The following ABCB4 variants were observed in gnomAD, a reference collection of about 807,000 sequenced individuals.
The protein encoded by ABCB4 is phosphatidylcholine translocator ABCB4.
In ABCB4, 76 loss-of-function variants were observed where a neutral mutation model predicts 145.7. The observed-to-expected ratio is 0.52, with a 90% CI of 0.43 to 0.63. The LOEUF (loss-of-function observed/expected upper bound fraction) is 0.63, where lower values mean the gene tolerates loss of function less well. Ranked by LOEUF, ABCB4 falls within the 30% of genes least tolerant of loss-of-function variation. The probability of loss-of-function intolerance (pLI) is 0.00; values close to 1 mark genes in which losing one functional copy is unlikely to be tolerated. For synonymous variants in ABCB4, 517 were observed against 566.8 expected (o/e 0.91, Z 1.25); for missense variants, 1,234 against 1,553.1 (o/e 0.79, Z 3.45).
chr7:87,453,113 A>C lies in ABCB4; in HGVS notation c.367T>G (p.Leu123Val). 2 of 1,613,978 alleles carry C rather than the reference A, an allele frequency of 1.2e-6. No homozygotes were observed. The highest frequency in any genetic ancestry group is 1.7e-6 in the Non-Finnish European group (2 of 1,179,990). The change falls in exon 6 of 28, where the codon TTG becomes GTG. Residue 123 changes from leucine (L) to valine (V), a missense_variant. Coordinates refer to ENST00000649586, the MANE Select transcript of ABCB4 (RefSeq NM_000443.4). ...MTRYAYYYSG[L>V]GAGVLVAAYI... The stretch of plus-strand genomic sequence containing the variant: ...GCAGCAACAAGAACTCCAGCACCCA[A>C]TCCTGAGTAGTAATATGCATATCTG...
the ABCB4 span, among the ~76,000 whole-genome samples, chr7:87,383,341 A>G: frequency 6.6e-6 from 1 of 152,054 alleles, no homozygotes. Context: ...TAACTCCCAT[A>G]TATAGGTGAG....
At chr7:87,378,326 A>G in the ABCB4 span, among the ~76,000 whole-genome samples, 1 of 142,518 alleles carries the variant, frequency 7.0e-6, no homozygotes, top group African/African-American at 2.6e-5. Flanking sequence ...AGCCTGGGAA[A>G]CAGACTGAGA....
intron 7 of ABCB4, among the ~76,000 whole-genome samples, chr7:87,451,369 C>T (rs2116798181): frequency 6.6e-6 from 1 of 152,208 alleles, no homozygotes; most frequent in Admixed American, 6.5e-5. Context: ...CTCCTGACCT[C>T]AAGTGATTTA....
chr7:87,393,311 A>C, the ABCB4 span, among the ~76,000 whole-genome samples: 2 of 152,154 alleles, frequency 1.3e-5, no homozygotes, highest in Non-Finnish European at 2.9e-5. Context: ...TCGATTCGGC[A>C]ATCATATCAT....
At chr7:87,421,555 T>C (rs1046467293) in intron 18 of ABCB4, among the ~76,000 whole-genome samples, 30 of 152,230 alleles carry the variant, frequency 2.0e-4, no homozygotes, top group African/African-American at 7.2e-4. Flanking sequence ...TAGGAAACAC[T>C]ATTTTGCTGA....
chr7:87,402,441 T>C (rs1242559989), intron 27 of ABCB4, 139 bp from the exon 28 acceptor site: 5 of 1,047,934 alleles, frequency 4.8e-6, no homozygotes, highest in Non-Finnish European at 7.2e-6. Flanking sequence ...TATGCATGTG[T>C]ATTTTGTATA....
chr7:87,369,252 A>G, the ABCB4 span: 1 of 571,094 alleles, frequency 1.8e-6, no homozygotes, highest in Non-Finnish European at 3.1e-6. Flanking sequence ...TATGTGATAT[A>G]TTTGATGACT....
chr7:87,443,761 C>A lies in ABCB4; in HGVS notation c.1132G>T (p.Asp378Tyr). ...TTGTGTCCTCTCTCTGAAAAACTGTCAATTTTAGGATTCTAAATAAAACAA... is the reference window on the plus strand; with the variant it reads ...TTGTGTCCTCTCTCTGAAAAACTGTAAATTTTAGGATTCTAAATAAAACAA... ...FDIIDNNPKI[D>Y]SFSERGHKPD... Residue 378 changes from aspartate (D) to tyrosine (Y), a missense_variant, in exon 11 of 28, where the codon GAC becomes TAC. Around this residue, in one of 7 missense-constraint regions of ABCB4, gnomAD observed 467 missense variants for 632.8 expected, o/e 0.74. Transcript: ENST00000649586. 1 of 1,612,856 alleles carries A rather than the reference C, an allele frequency of 6.2e-7. No individual in the cohort carries two copies. Among genetic ancestry groups the A allele is most frequent in the South Asian group, 1.1e-5 (1 of 91,024 alleles).
chr7:87,392,865 C>T, the ABCB4 span: 1 of 1,609,208 alleles, frequency 6.2e-7, no homozygotes, highest in Non-Finnish European at 8.5e-7. Context: ...AATTGGCTTC[C>T]TCTTTTTGTA....
In ABCB4 at chr7:87,440,786, G is replaced by A. The variant is rs144857113; in HGVS notation, c.1357-384C>T. ...AAATGGAGTCTCGCTCTGTCGCCCAGGCTGGAGTGCAGTGGCCCATCTCCA... is the reference window on the plus strand; with the variant it reads ...AAATGGAGTCTCGCTCTGTCGCCCAAGCTGGAGTGCAGTGGCCCATCTCCA... On this transcript the variant is annotated intron_variant, in intron 12 of 27. Transcript: ENST00000649586. Among the ~76,000 whole-genome samples the A allele has an allele frequency of 8.3e-3, 1,268 of 152,096 alleles. 5 individuals are homozygous for A. Among genetic ancestry groups the A allele is most frequent in the Non-Finnish European group, 0.013 (914 of 68,004 alleles).
intron 2 of ABCB4, among the ~76,000 whole-genome samples, chr7:87,474,648 G>A (rs1029839729): frequency 2.0e-5 from 3 of 152,128 alleles, no homozygotes; most frequent in Non-Finnish European, 1.5e-5. Context: ...GGCTAAAGGC[G>A]AAAATGATTC....
At chr7:87,434,552 A>G (rs889220998) in intron 14 of ABCB4, among the ~76,000 whole-genome samples, 1 of 152,046 alleles carries the variant, frequency 6.6e-6, no homozygotes, top group African/African-American at 2.4e-5. Context: ...CATTGAGACC[A>G]TCCTGGCCAA....
rs529669946 is a variant in ABCB4 at position 87,402,767 on chromosome 7, C to T, written c.3633+368G>A. 1.7e-4 allele frequency among the ~76,000 whole-genome samples: 26 copies of T among 152,206 alleles called. No individual in the cohort carries two copies. In the South Asian group the frequency reaches 2.3e-3, roughly 13 times the overall value. On this transcript the variant is annotated intron_variant, in intron 27 of 27. Coordinates refer to ENST00000649586, the MANE Select transcript of ABCB4 (RefSeq NM_000443.4). ...CTGTAATCCCAGCACTTTGGGAGGC[C>T]GAGGCAGGCGGATCACAAGGTCAGG...
chr7:87,472,129 T>C (rs1813461264), intron 3 of ABCB4, among the ~76,000 whole-genome samples: 1 of 152,160 alleles, frequency 6.6e-6, no homozygotes, highest in Non-Finnish European at 1.5e-5. Context: ...AAATCATCCA[T>C]CTTAAGAATG....
chr7:87,381,691 G>A, the ABCB4 span, among the ~76,000 whole-genome samples: 53 of 152,060 alleles, frequency 3.5e-4, no homozygotes, highest in Admixed American at 2.0e-4. Flanking sequence ...GCCCTACTAG[G>A]TGCTTCCAAA....
intron 1 of ABCB4, 72 bp from the exon 2 acceptor site, chr7:87,475,543 G>A (rs776143083): frequency 2.4e-5 from 35 of 1,470,518 alleles, no homozygotes; most frequent in Middle Eastern, 2.1e-4. Context: ...CGCGGGGCCC[G>A]GGGGCACTGG....
chr7:87,375,779 G>A, the ABCB4 span: 3 of 1,612,220 alleles, frequency 1.9e-6, no homozygotes, highest in Non-Finnish European at 2.5e-6. Flanking sequence ...CTCTTTTGAT[G>A]TATTGTATTT....
chr7:87,379,035 T>G, the ABCB4 span, among the ~76,000 whole-genome samples: 5 of 152,196 alleles, frequency 3.3e-5, no homozygotes, highest in Non-Finnish European at 5.9e-5. Flanking sequence ...CTCAGTTTTC[T>G]TCTCTTCAGC....
chr7:87,454,403 T>C (rs1430078752), intron 5 of ABCB4, 132 bp downstream of exon 5: 7 of 720,314 alleles, frequency 9.7e-6, no homozygotes, highest in Non-Finnish European at 1.2e-5. Context: ...AAATTGGGAT[T>C]TGGGAGCAAA....
Sources: gnomAD v4.1 joint callset for allele counts (sites outside exome capture counted in the v4.1 genomes callset) on GRCh38, gnomAD v4.1.1 for gene constraint, gnomAD v4.1.1 regional missense constraint, MANE v1.5 for transcripts, NCBI Gene and HGNC (gene_info 2026-07-23, HGNC 2026-07-21) for gene names.